TMPRSS15: variants seen among roughly 807,000 people sequenced by gnomAD.
The protein encoded by TMPRSS15 is enteropeptidase.
Under a neutral mutation model 125.3 loss-of-function variants are expected in TMPRSS15, and 128 were observed. The observed-to-expected ratio is 1.02, with a 90% confidence interval of 0.89 to 1.18. TMPRSS15 has a LOEUF of 1.18. Among genes scored for constraint, TMPRSS15 ranks in the 50% most tolerant of loss-of-function variants. The pLI, the probability that TMPRSS15 is intolerant of heterozygous loss-of-function variation, is 0.00. For missense variants in TMPRSS15, 1,283 were observed against 1,212.7 expected, an observed-to-expected ratio of 1.06 and a Z score of -0.86; for synonymous variants, 446 against 423.2, an observed-to-expected ratio of 1.05 and a Z score of -0.66.
In TMPRSS15 at chr21:18,365,229, T is replaced by C; in HGVS notation, c.684A>G (p.Arg228=). The C allele has an allele frequency of 6.2e-7, 1 of 1,614,082 alleles. No individual in the cohort carries two copies. The highest frequency in any genetic ancestry group is 1.3e-5 in the African/African-American group (1 of 75,040). The change falls in exon 7 of 25, where the codon AGA becomes AGG. Residue 228 remains arginine, a synonymous_variant. Coordinates refer to ENST00000284885, the MANE Select transcript of TMPRSS15 (RefSeq NM_002772.3). ...NKMCATVCDG[R]FLLTGSSGSF... is the part of the protein sequence containing the mutation. ...ACCCAGATGATCCAGTTAACAAAAA[T>C]CTTCCATCACAAACTGTGGCTGCAA...
intron 18 of TMPRSS15, among the ~76,000 whole-genome samples, chr21:18,308,348 G>A (rs1162153001): frequency 6.7e-6 from 1 of 150,130 alleles, no homozygotes; most frequent in Non-Finnish European, 1.5e-5. Flanking sequence ...AGTTTTTGTT[G>A]AAGTTTATAC....
intron 1 of TMPRSS15, among the ~76,000 whole-genome samples, chr21:18,440,404 T>G (rs910729872): frequency 1.5e-5 from 2 of 132,180 alleles, no homozygotes; most frequent in Non-Finnish European, 3.4e-5. Flanking sequence ...ACTGTAGTGA[T>G]GTGTATTTTC....
chr21:18,380,196 C>CACACACACAT (rs1555907585), intron 4 of TMPRSS15, among the ~76,000 whole-genome samples: 30 of 151,512 alleles, frequency 2.0e-4, no homozygotes, highest in African/African-American at 7.0e-4. Context: ...CACACACACA[C>CACACACACAT]ACACACACAC....
intron 13 of TMPRSS15, 110 bp from the exon 14 acceptor site, chr21:18,332,283 C>T (rs2075353527): frequency 9.7e-7 from 1 of 1,027,558 alleles, no homozygotes; most frequent in African/African-American, 1.6e-5. Flanking sequence ...CAAATTTTGG[C>T]AAGTAAATTT....
At chr21:18,273,256 A>G (rs1272386807) in intron 24 of TMPRSS15, among the ~76,000 whole-genome samples, 1 of 152,236 alleles carries the variant, frequency 6.6e-6, no homozygotes, top group Non-Finnish European at 1.5e-5. Flanking sequence ...ATGACTAATA[A>G]GGCACATTCT....
chr21:18,329,436 CT>C (rs1227393065), intron 14 of TMPRSS15, 142 bp from the exon 15 acceptor site: 1 of 726,038 alleles, frequency 1.4e-6, no homozygotes, highest in East Asian at 3.4e-5. Flanking sequence ...CAAGGTGTTT[CT>C]TTTTTCTTTT....
chr21:18,273,262 A>ATTCT (rs1399914069), intron 24 of TMPRSS15, among the ~76,000 whole-genome samples: 1 of 152,236 alleles, frequency 6.6e-6, no homozygotes, highest in African/African-American at 2.4e-5. Flanking sequence ...AATAAGGCAC[A>ATTCT]TTCTTTGCCA....
In TMPRSS15 at chr21:18,280,433, T is replaced by C. The variant is rs569317300; in HGVS notation, c.2668+607A>G. Among the ~76,000 whole-genome samples the C allele has an allele frequency of 1.2e-3, 181 of 151,650 alleles. 2 individuals are homozygous for C. The highest frequency in any genetic ancestry group is 7.4e-5 in the Non-Finnish European group (5 of 67,910). ...CTACTAAAAATACAAGAAAAAAAAT[T>C]AGCTGGGCATCATGGCATGCACCCG... is the stretch of plus-strand genomic sequence containing the variant. On this transcript the variant is annotated intron_variant, in intron 22 of 24. Transcript: ENST00000284885.
At chr21:18,413,379 T>C (rs1302189684) in intron 1 of TMPRSS15, among the ~76,000 whole-genome samples, 4 of 146,042 alleles carry the variant, frequency 2.7e-5, no homozygotes, top group African/African-American at 1.0e-4. Context: ...CTTCCTTCCT[T>C]TCTTTCTATC....
intron 1 of TMPRSS15, among the ~76,000 whole-genome samples, chr21:18,469,910 A>G (rs1978741774): frequency 6.6e-6 from 1 of 152,084 alleles, no homozygotes; most frequent in Admixed American, 6.6e-5. Flanking sequence ...CCAATAAGTA[A>G]ATGATTCTGA....
chr21:18,336,167 G>T (rs1007633603), intron 13 of TMPRSS15, among the ~76,000 whole-genome samples: 2 of 152,004 alleles, frequency 1.3e-5, no homozygotes, highest in East Asian at 3.9e-4. Context: ...TTTACTGAGG[G>T]GTGGAAAAGA....
chr21:18,420,910 A>G (rs1025753593), intron 1 of TMPRSS15, among the ~76,000 whole-genome samples: 1 of 152,188 alleles, frequency 6.6e-6, no homozygotes, highest in Non-Finnish European at 1.5e-5. Context: ...CACTTAAAAC[A>G]TCATTCCTAA....
At chr21:18,278,801 AAT>A (rs1489993969) in intron 23 of TMPRSS15, among the ~76,000 whole-genome samples, 161 bp downstream of exon 23, 2 of 152,242 alleles carry the variant, frequency 1.3e-5, no homozygotes, top group South Asian at 4.1e-4. Context: ...CACAACTCTA[AAT>A]ATATATATGT....
chr21:18,479,819 A>G (rs1978947368), intron 1 of TMPRSS15, among the ~76,000 whole-genome samples: 1 of 152,110 alleles, frequency 6.6e-6, no homozygotes, highest in Non-Finnish European at 1.5e-5. Flanking sequence ...CCATTGTGGA[A>G]GACAGTGTGG....
intron 1 of TMPRSS15, among the ~76,000 whole-genome samples, chr21:18,442,025 A>T (rs898820892): frequency 6.6e-6 from 1 of 152,104 alleles, no homozygotes; most frequent in African/African-American, 2.4e-5. Flanking sequence ...TCTGATGATC[A>T]AAGTTGTTCC....
At chr21:18,270,830 T>C (rs1289237360) in intron 24 of TMPRSS15, among the ~76,000 whole-genome samples, 1 of 152,216 alleles carries the variant, frequency 6.6e-6, no homozygotes, top group Non-Finnish European at 1.5e-5. Context: ...AATACAAACA[T>C]ATAATATCAT....
chr21:18,362,786 A>G (rs756255512), intron 7 of TMPRSS15, among the ~76,000 whole-genome samples: 2 of 152,154 alleles, frequency 1.3e-5, no homozygotes, highest in Non-Finnish European at 2.9e-5. Flanking sequence ...CTTTGAACAT[A>G]GTATTTAGAG....
intron 1 of TMPRSS15, among the ~76,000 whole-genome samples, chr21:18,430,377 G>T (rs2076214011): frequency 6.6e-6 from 1 of 152,052 alleles, no homozygotes; most frequent in Admixed American, 6.6e-5. Context: ...ATTTTATGTT[G>T]CTTGATCAAA....
chr21:18,279,748 T>C (rs965571826), intron 22 of TMPRSS15, among the ~76,000 whole-genome samples: 1 of 152,076 alleles, frequency 6.6e-6, no homozygotes, highest in African/African-American at 2.4e-5. Flanking sequence ...TCTCTGAAAA[T>C]TATGGTAAGG....
Sources: allele counts gnomAD v4.1 joint callset (sites outside exome capture counted in the v4.1 genomes callset), GRCh38; gene constraint gnomAD v4.1.1; transcripts MANE v1.5; gene names NCBI Gene and HGNC (gene_info 2026-07-23, HGNC 2026-07-21).